CPLX1: variants seen among roughly 807,000 people sequenced by gnomAD.
The protein encoded by CPLX1 is complexin-1.
In CPLX1, 6 loss-of-function variants were observed where a neutral mutation model predicts 15.6. The observed-to-expected ratio is 0.39, with a 90% CI of 0.21 to 0.76. CPLX1 has a LOEUF of 0.76. Among genes scored for constraint, CPLX1 ranks in the 30% least tolerant of loss-of-function variants. CPLX1 has a pLI of 0.43. For synonymous variants in CPLX1, 91 were observed against 75.2 expected (o/e 1.21, Z -1.08); for missense variants, 242 against 188.6 (o/e 1.28, Z -1.66).
rs1553853417 is a variant in CPLX1 at position 800,754 on chromosome 4, T to TAC, written c.32-8148_32-8147dup. Among the ~76,000 whole-genome samples the TAC allele has an allele frequency of 6.4e-3, 824 of 129,678 alleles. 5 individuals carry two copies. The highest frequency in any genetic ancestry group is 0.011 in the African/African-American group (395 of 35,386). The allele number at this position is 129,678 out of a possible 152,430, so 85.1% of individuals were successfully genotyped here. A position where few individuals can be genotyped will look rare whatever the true frequency, so the allele number is the denominator to read the frequency against. On this transcript the variant is annotated intron_variant, in intron 2 of 3. Coordinates refer to ENST00000304062, the MANE Select transcript of CPLX1 (RefSeq NM_006651.4). ...AAAAAAATATATATATATATATATATACACACACATATACACACACAGACA... is the reference window on the plus strand; with the variant it reads ...AAAAAAATATATATATATATATATATACACACACACATATACACACACAGACA...
intron 2 of CPLX1, among the ~76,000 whole-genome samples, chr4:801,813 G>T (rs886149345): frequency 3.9e-5 from 6 of 152,208 alleles, no homozygotes; most frequent in African/African-American, 1.4e-4. Context: ...GTTGATCGAC[G>T]TGTCAGTCAT....
At chr4:787,103 C>G in intron 3 of CPLX1, 1 of 985,404 alleles carries the variant, frequency 1.0e-6, no homozygotes, top group South Asian at 4.7e-5. Flanking sequence ...CAACCCGCAG[C>G]TGACCCTCCT....
At chr4:825,017 G>C (rs544500243) in intron 1 of CPLX1, among the ~76,000 whole-genome samples, 2 of 152,336 alleles carry the variant, frequency 1.3e-5, no homozygotes, top group East Asian at 3.9e-4. Flanking sequence ...GGGTCTTTGA[G>C]CGGGTACCCT....
chr4:805,051 G>T, intron 2 of CPLX1: 1 of 568,232 alleles, frequency 1.8e-6, no homozygotes, highest in Non-Finnish European at 2.2e-6. Context: ...AGCGGCCCTG[G>T]CGTGTGGCTG....
chr4:817,513 C>T (rs896620885), intron 2 of CPLX1, among the ~76,000 whole-genome samples: 5 of 151,592 alleles, frequency 3.3e-5, no homozygotes, highest in African/African-American at 7.3e-5. Context: ...GCTGAGATTG[C>T]GCCACTGCAC....
chr4:803,165 A>AG (rs1560242020), intron 2 of CPLX1, among the ~76,000 whole-genome samples: 1 of 152,366 alleles, frequency 6.6e-6, no homozygotes, highest in East Asian at 1.9e-4. Flanking sequence ...ATTAATGAAG[A>AG]GAAAAGCAGA....
rs918145714 is a variant in CPLX1 at position 788,230 on chromosome 4, G to A, written c.208-1532C>T. 6.1e-6 allele frequency: 6 copies of A among 985,114 alleles called. No individual in the cohort carries two copies. The African/African-American group carries it at 8.7e-5, about 14-fold the overall frequency. 61.0% of individuals were successfully genotyped at this position (985,114 alleles called of 1,614,324 possible). On this transcript the variant is annotated intron_variant, in intron 3 of 3. Transcript: ENST00000304062. ...TGGGCACCCCCTGGATCTCCAAGGA[G>A]GCCCCTCCTTCCTCCCAAATGGAGG...
intron 3 of CPLX1, chr4:788,070 G>A (rs1301277031): frequency 1.0e-6 from 1 of 985,316 alleles, no homozygotes; most frequent in African/African-American, 1.7e-5. Context: ...CACTCTACAG[G>A]ACGGAGGAGC....
intron 2 of CPLX1, among the ~76,000 whole-genome samples, chr4:817,526 C>T (rs1013793406): frequency 6.6e-6 from 1 of 151,914 alleles, no homozygotes; most frequent in African/African-American, 2.4e-5. Flanking sequence ...CACTGCACTC[C>T]AGCCTGGGCA....
At chr4:807,348 A>C (rs927363908) in intron 2 of CPLX1, among the ~76,000 whole-genome samples, 2 of 152,232 alleles carry the variant, frequency 1.3e-5, no homozygotes, top group African/African-American at 4.8e-5. Flanking sequence ...GAGCATCAAG[A>C]AAAATAGCTA....
chr4:819,944 G>A (rs1016266769), intron 2 of CPLX1, among the ~76,000 whole-genome samples: 3 of 152,200 alleles, frequency 2.0e-5, no homozygotes, highest in Non-Finnish European at 4.4e-5. Flanking sequence ...CAGTAGCATC[G>A]CTGAGCAGCT....
intron 2 of CPLX1, among the ~76,000 whole-genome samples, chr4:795,916 G>A (rs1414502811): frequency 6.6e-6 from 1 of 152,110 alleles, no homozygotes; most frequent in East Asian, 1.9e-4. Context: ...CGTTTCCTCT[G>A]CAGACATCGG....
rs1745950890 is a variant in CPLX1, at chr4:785,427, GT to G, written c.*1073del. On this transcript the variant is annotated 3_prime_UTR_variant, in exon 4 of 4. Transcript: ENST00000304062. ...CGTGGAGACTTGATGCATTTTTGAT[GT>G]GGACGAAAGGGCCCGGGGGCGAGGC... 1 of 152,630 alleles carries G rather than the reference GT, an allele frequency of 6.6e-6. No individual in the cohort carries two copies. Among genetic ancestry groups the G allele is most frequent in the African/African-American group, 2.4e-5 (1 of 41,460 alleles). 9.5% of individuals were successfully genotyped at this position (152,630 alleles called of 1,614,324 possible).
At chr4:792,937 G>C (rs1237180726) in intron 2 of CPLX1, among the ~76,000 whole-genome samples, 1 of 152,162 alleles carries the variant, frequency 6.6e-6, no homozygotes, top group Non-Finnish European at 1.5e-5. Context: ...ATGCGTACGT[G>C]TGGCTGTTGT....
intron 2 of CPLX1, among the ~76,000 whole-genome samples, chr4:817,391 TAA>T (rs56378964): frequency 1.5e-4 from 19 of 126,656 alleles, no homozygotes; most frequent in South Asian, 2.5e-4. Flanking sequence ...CCGTCTCTAC[TAA>T]AAAAAAAAAA....
chr4:822,228 GTC>G (rs771190413), intron 2 of CPLX1, among the ~76,000 whole-genome samples: 82 of 147,452 alleles, frequency 5.6e-4, no homozygotes, highest in Middle Eastern at 3.7e-3. Flanking sequence ...AACTCTCTCT[GTC>G]TCTCTCTCTC....
At chr4:810,315 C>T (rs1397942405) in intron 2 of CPLX1, among the ~76,000 whole-genome samples, 1 of 152,244 alleles carries the variant, frequency 6.6e-6, no homozygotes, top group Non-Finnish European at 1.5e-5. Context: ...TCCCAAAGTG[C>T]TGGGATTACA....
At chr4:801,950 A>T (rs1036077494) in intron 2 of CPLX1, among the ~76,000 whole-genome samples, 1 of 152,244 alleles carries the variant, frequency 6.6e-6, no homozygotes, top group Non-Finnish European at 1.5e-5. Flanking sequence ...ACACTCATGC[A>T]TACTTGTGGG....
In CPLX1 at chr4:792,440, C is replaced by G. The variant is rs770021210; in HGVS notation, c.200G>C (p.Arg67Pro). 3 of 1,585,454 alleles carry G rather than the reference C, an allele frequency of 1.9e-6. No homozygotes were observed. Among genetic ancestry groups the G allele is most frequent in the Non-Finnish European group, 1.7e-6 (2 of 1,167,244 alleles). Residue 67 changes from arginine to proline, a missense_variant, in exon 3 of 4, where the codon CGA (arginine) becomes CCA (proline). Arg to Pro is a moderately radical substitution (Grantham distance 103). Coordinates refer to ENST00000304062, the MANE Select transcript of CPLX1 (RefSeq NM_006651.4). ...GGCCGGCCCGGCGCGCACCTTGTCT[C>G]GGATGCCCTGGCGCACGGCCTCGCG... is the stretch of plus-strand genomic sequence containing the variant. The part of the protein sequence containing the change: ...AEREAVRQGI[R>P]DKYGIKKKEE...
Sources: allele counts gnomAD v4.1 joint callset (sites outside exome capture counted in the v4.1 genomes callset), GRCh38; gene constraint gnomAD v4.1.1; transcripts MANE v1.5; gene names NCBI Gene and HGNC (gene_info 2026-07-23, HGNC 2026-07-21).